Variants in GABRB2 observed in about 807,000 individuals in gnomAD.
GABRB2 encodes gamma-aminobutyric acid type A receptor subunit beta2.
Under a neutral mutation model 54.7 loss-of-function variants are expected in GABRB2, and 16 were observed. The ratio of observed to expected loss-of-function variants is 0.29; its 90% CI spans 0.20 to 0.44. GABRB2 has a LOEUF of 0.44. GABRB2 is among the 20% of genes least tolerant of loss of function. The pLI is 1.00. For synonymous variants in GABRB2, 244 were observed against 233.8 expected (o/e 1.04, Z -0.40); for missense variants, 355 against 644.0 (o/e 0.55, Z 4.86).
chr5:161,357,716 G>A (rs1030769564), intron 5 of GABRB2, among the ~76,000 whole-genome samples: 10 of 151,814 alleles, frequency 6.6e-5, no homozygotes, highest in African/African-American at 2.4e-4. Flanking sequence ...AGAAATGATG[G>A]AATTTTATAA....
intron 3 of GABRB2, among the ~76,000 whole-genome samples, chr5:161,492,481 G>A (rs931865420): frequency 5.9e-5 from 9 of 151,770 alleles, no homozygotes; most frequent in South Asian, 2.1e-4. Context: ...AAACTAAGCC[G>A]TGTTAAACAC....
At chr5:161,346,197 A>C (rs1754314534) in intron 5 of GABRB2, among the ~76,000 whole-genome samples, 1 of 152,112 alleles carries the variant, frequency 6.6e-6, no homozygotes, top group South Asian at 2.1e-4. Context: ...TCGTAATTTC[A>C]TTCCTAAGTT....
chr5:161,368,776 A>G (rs1755046311), intron 5 of GABRB2, among the ~76,000 whole-genome samples: 2 of 152,156 alleles, frequency 1.3e-5, no homozygotes, highest in South Asian at 4.1e-4. Flanking sequence ...CAAGGAAAGA[A>G]GCTGAGGCAT....
In GABRB2 at chr5:161,336,874, A is replaced by T. The variant is rs981048726; in HGVS notation, c.542-105T>A. The T allele has an allele frequency of 5.0e-6, 6 of 1,197,928 alleles. No homozygotes were observed. The African/African-American group carries it at 9.3e-5, about 19-fold the overall frequency. The allele number at this position is 1,197,928 out of a possible 1,614,324, so 74.2% of individuals were successfully genotyped here. ...CCTGTTTAGAAGATGACCTATATAA[A>T]TAATATAAAGATATAGCTAAAGGCT... On this transcript the variant is annotated intron_variant, in intron 5 of 9. Coordinates refer to ENST00000393959, the MANE Select transcript of GABRB2 (RefSeq NM_001371727.1).
rs536465274 is a variant in GABRB2 at position 161,484,791 on chromosome 5, C to T, written c.238-24947G>A. On this transcript the variant is annotated intron_variant, in intron 3 of 9. Transcript: ENST00000393959. ...TACAACTAGTCTCACTTCATCTGGC[C>T]TTGTTACCTCTAAAGCATTTTCCAC... is the stretch of plus-strand genomic sequence containing the variant. Among the ~76,000 whole-genome samples the T allele has an allele frequency of 6.6e-5, 10 of 152,058 alleles. No homozygotes were observed. The South Asian group carries it at 2.1e-3, about 32-fold the overall frequency.
At chr5:161,415,474 C>G (rs574407489) in intron 4 of GABRB2, among the ~76,000 whole-genome samples, 4 of 152,286 alleles carry the variant, frequency 2.6e-5, no homozygotes, top group African/African-American at 9.6e-5. Context: ...AACAGTCACT[C>G]AAGGCACCTA....
chr5:161,508,992 C>T (rs1450823813), intron 3 of GABRB2, among the ~76,000 whole-genome samples: 1 of 151,874 alleles, frequency 6.6e-6, no homozygotes. Context: ...TTTGGAGAGG[C>T]TTTGTGGCTC....
intron 6 of GABRB2, 30 bp from the exon 7 acceptor site, chr5:161,334,934 T>G (rs1235432340): frequency 1.2e-6 from 2 of 1,603,140 alleles, no homozygotes; most frequent in Admixed American, 3.3e-5. Context: ...ACATCATCAT[T>G]ATCAATCAAT....
intron 3 of GABRB2, among the ~76,000 whole-genome samples, chr5:161,521,413 A>G (rs1434905759): frequency 6.6e-6 from 1 of 151,984 alleles, no homozygotes; most frequent in Non-Finnish European, 1.5e-5. Flanking sequence ...ACTTTAGGTG[A>G]TAACCAGATG....
At chr5:161,525,803 A>C (rs1760260188) in intron 3 of GABRB2, among the ~76,000 whole-genome samples, 1 of 151,394 alleles carries the variant, frequency 6.6e-6, no homozygotes, top group Admixed American at 6.6e-5. Context: ...ATCTAACTTA[A>C]GTTTCCCAGT....
intron 3 of GABRB2, among the ~76,000 whole-genome samples, chr5:161,521,703 C>T (rs900951249): frequency 4.0e-5 from 6 of 151,880 alleles, no homozygotes; most frequent in East Asian, 1.9e-4. Context: ...AATCAGGAAA[C>T]GCCACTGGTA....
At chr5:161,416,417 T>C (rs1384668089) in intron 4 of GABRB2, among the ~76,000 whole-genome samples, 1 of 152,122 alleles carries the variant, frequency 6.6e-6, no homozygotes, top group Non-Finnish European at 1.5e-5. Context: ...CTAGAATATA[T>C]GTTCAAACAT....
chr5:161,474,543 TAC>T (rs1758538374), intron 3 of GABRB2, among the ~76,000 whole-genome samples: 1 of 152,016 alleles, frequency 6.6e-6, no homozygotes, highest in Admixed American at 6.6e-5. Flanking sequence ...ATTGTATATA[TAC>T]AAGAGGTAGC....
chr5:161,334,624 ACT>A, intron 7 of GABRB2, 126 bp downstream of exon 7: 1 of 849,788 alleles, frequency 1.2e-6, no homozygotes, highest in Non-Finnish European at 1.8e-6. Context: ...TCATAGCGAA[ACT>A]CTTACAGTGT....
intron 9 of GABRB2, among the ~76,000 whole-genome samples, chr5:161,321,186 C>A (rs1033584982): frequency 1.4e-4 from 21 of 152,042 alleles, no homozygotes; most frequent in South Asian, 4.1e-4. Flanking sequence ...GTTATCTATG[C>A]TAATTTTATT....
At chr5:161,331,870 A>G (rs935742943) in intron 7 of GABRB2, among the ~76,000 whole-genome samples, 3 of 152,110 alleles carry the variant, frequency 2.0e-5, no homozygotes, top group African/African-American at 7.2e-5. Context: ...TGGCAGGAGT[A>G]AAGAATGCCA....
intron 4 of GABRB2, among the ~76,000 whole-genome samples, chr5:161,450,956 A>C (rs1254259753): frequency 3.3e-5 from 5 of 152,130 alleles, no homozygotes; most frequent in African/African-American, 1.2e-4. Flanking sequence ...CATATTCTTA[A>C]TGAAATCTCT....
chr5:161,374,003 G>C (rs1434952909), intron 5 of GABRB2, among the ~76,000 whole-genome samples: 1 of 152,110 alleles, frequency 6.6e-6, no homozygotes, highest in Non-Finnish European at 1.5e-5. Flanking sequence ...GAGTGCAGTG[G>C]CACGATCTCG....
intron 3 of GABRB2, among the ~76,000 whole-genome samples, chr5:161,485,284 T>G (rs946879812): frequency 6.6e-6 from 1 of 151,940 alleles, no homozygotes; most frequent in Non-Finnish European, 1.5e-5. Flanking sequence ...AATTTCTAAT[T>G]TGCTATTTCC....
Sources: allele counts gnomAD v4.1 joint callset (sites outside exome capture counted in the v4.1 genomes callset), GRCh38; gene constraint gnomAD v4.1.1; transcripts MANE v1.5; gene names NCBI Gene and HGNC (gene_info 2026-07-23, HGNC 2026-07-21).